MIB1: variants seen among roughly 807,000 people sequenced by gnomAD.
MIB1 encodes MIB E3 ubiquitin protein ligase 1, also known as E3 ubiquitin-protein ligase MIB1.
A neutral mutation model predicts 124.5 loss-of-function variants in MIB1; 278 were observed. The ratio of observed to expected loss-of-function variants is 2.23; its 90% CI spans 2.02 to 2.47. The LOEUF is 2.47. Among genes scored for constraint, MIB1 ranks in the 30% most tolerant of loss-of-function variants. MIB1 has a pLI of 0.00. For missense variants in MIB1, 957 were observed against 1,254.4 expected, an observed-to-expected ratio of 0.76 and a Z score of 3.58; for synonymous variants, 446 against 429.4, an observed-to-expected ratio of 1.04 and a Z score of -0.48.
intron 1 of MIB1, chr18:21,724,123 G>C (rs2040727071): frequency 6.5e-6 from 1 of 152,724 alleles, no homozygotes; most frequent in Non-Finnish European, 1.5e-5. Context: ...ATCTGTGGCT[G>C]ATCTGAGTAC....
At chr18:21,788,169 T>C (rs2146438502) in intron 6 of MIB1, among the ~76,000 whole-genome samples, 1 of 152,344 alleles carries the variant, frequency 6.6e-6, no homozygotes, top group South Asian at 2.1e-4. Context: ...CCAAAACATA[T>C]CTAATCCACT....
At chr18:21,861,609 G>T (rs1026136879) in intron 20 of MIB1, among the ~76,000 whole-genome samples, 9 of 149,744 alleles carry the variant, frequency 6.0e-5, no homozygotes, top group Non-Finnish European at 1.2e-4. Context: ...CATCTTATGA[G>T]GAATGATGGG....
chr18:21,705,622 A>G (rs2040618157), intron 1 of MIB1, among the ~76,000 whole-genome samples: 1 of 152,220 alleles, frequency 6.6e-6, no homozygotes, highest in African/African-American at 2.4e-5. Context: ...GGCAAGACTT[A>G]AACAGACGAA....
At chr18:21,850,323 G>A (rs962600157) in intron 17 of MIB1, among the ~76,000 whole-genome samples, 2 of 151,824 alleles carry the variant, frequency 1.3e-5, no homozygotes, top group Non-Finnish European at 2.9e-5. Context: ...TGTTGGTTTT[G>A]AAGTAAAAAC....
chr18:21,855,694 T>G (rs994957508), intron 18 of MIB1, among the ~76,000 whole-genome samples: 1 of 152,176 alleles, frequency 6.6e-6, no homozygotes, highest in Non-Finnish European at 1.5e-5. Context: ...ATTAGGAGTG[T>G]AGGCCCTACT....
intron 1 of MIB1, among the ~76,000 whole-genome samples, chr18:21,735,248 T>C (rs2040791041): frequency 6.6e-6 from 1 of 152,116 alleles, no homozygotes; most frequent in Admixed American, 6.5e-5. Flanking sequence ...ATTGTCTCAC[T>C]CAGGAAGCAC....
At chr18:21,803,834 C>A in intron 9 of MIB1, 73 bp from the exon 10 acceptor site, 1 of 1,117,140 alleles carries the variant, frequency 9.0e-7, no homozygotes, top group Non-Finnish European at 1.3e-6. Context: ...AGACTTAAAC[C>A]TACACCGTAT....
In MIB1 at chr18:21,848,598, A is replaced by G. The variant is rs148557539; in HGVS notation, c.2394-598A>G. ...CTGAAGATTGTGGTAGAAACAGGGC[A>G]TCCCTTTTCTGTAGCTGTAGGTGGT... On this transcript the variant is annotated intron_variant, in intron 16 of 20. Coordinates refer to ENST00000261537, the MANE Select transcript of MIB1 (RefSeq NM_020774.4). Among the ~76,000 whole-genome samples, 120 of 152,320 alleles carry G rather than the reference A, an allele frequency of 7.9e-4. No individual in the cohort carries two copies. The East Asian group carries it at 8.7e-3, about 11-fold the overall frequency.
chr18:21,780,733 C>G (rs891692769), intron 6 of MIB1, among the ~76,000 whole-genome samples: 11 of 152,124 alleles, frequency 7.2e-5, no homozygotes, highest in African/African-American at 2.7e-4. Flanking sequence ...CAGGAATGAG[C>G]CACCATACCC....
At chr18:21,844,502 C>T (rs1333604468) in intron 15 of MIB1, among the ~76,000 whole-genome samples, 1 of 152,090 alleles carries the variant, frequency 6.6e-6, no homozygotes, top group Non-Finnish European at 1.5e-5. Flanking sequence ...GGCTGGAGTG[C>T]TTGGCTCACT....
intron 1 of MIB1, among the ~76,000 whole-genome samples, chr18:21,715,255 G>A (rs1271232792): frequency 6.6e-6 from 1 of 152,212 alleles, no homozygotes; most frequent in Non-Finnish European, 1.5e-5. Context: ...AGATCCAGAA[G>A]AGAGATAACA....
chr18:21,810,707 AC>A (rs1035843807), intron 10 of MIB1, among the ~76,000 whole-genome samples: 1 of 151,814 alleles, frequency 6.6e-6, no homozygotes, highest in African/African-American at 2.4e-5. Flanking sequence ...TAGGAACCTT[AC>A]CTAACACTAT....
At chr18:21,757,054 T>G (rs796900361) in intron 1 of MIB1, among the ~76,000 whole-genome samples, 5 of 152,248 alleles carry the variant, frequency 3.3e-5, no homozygotes, top group African/African-American at 1.2e-4. Flanking sequence ...CTTTAGCAGC[T>G]CAAGACATTT....
In MIB1 at chr18:21,858,553, G is replaced by C. The variant is rs377616423; in HGVS notation, c.2787G>C (p.Gly929=). The C allele has an allele frequency of 2.1e-5, 32 of 1,496,526 alleles. No homozygotes were observed. The highest frequency in any genetic ancestry group is 2.9e-5 in the Non-Finnish European group (31 of 1,077,642). 92.7% of individuals were successfully genotyped at this position (1,496,526 alleles called of 1,614,324 possible). A position where few individuals can be genotyped will look rare whatever the true frequency, so the allele number is the denominator to read the frequency against. Reference sequence around the variant, plus strand: ...TTTAAATCTATATTATAGCAAGTGGGAATATTCCAGTATTACAAAAGGACA... The same window carrying C: ...TTTAAATCTATATTATAGCAAGTGGCAATATTCCAGTATTACAAAAGGACA... The part of the protein sequence containing the change: ...SEDATDDISS[G]NIPVLQKDKD... Residue 929 remains glycine, a synonymous_variant, in exon 20 of 21, where the codon GGG becomes GGC. Coordinates refer to ENST00000261537, the MANE Select transcript of MIB1 (RefSeq NM_020774.4).
chr18:21,793,380 A>C (rs1002641517), intron 7 of MIB1, among the ~76,000 whole-genome samples: 1 of 152,230 alleles, frequency 6.6e-6, no homozygotes, highest in African/African-American at 2.4e-5. Context: ...AGTAGGGACA[A>C]AGGAAGGAGA....
Position 21,865,200 on chromosome 18 carries a change from A to G in MIB1, c.*534A>G, listed in dbSNP as rs2042311296. The G allele has an allele frequency of 6.6e-6, 1 of 152,248 alleles. No individual in the cohort carries two copies. The highest frequency in any genetic ancestry group is 6.5e-5 in the Admixed American group (1 of 15,290). 9.4% of individuals were successfully genotyped at this position (152,248 alleles called of 1,614,324 possible). On this transcript the variant is annotated 3_prime_UTR_variant, in exon 21 of 21. Transcript: ENST00000261537. ...GGGATGATTCTTTTTTTAAGATAAC[A>G]GGAAGTTACCCACATGTTTGTTTCT...
In MIB1 at chr18:21,805,620, C is replaced by T. The variant is rs2146461817; in HGVS notation, c.1479+1606C>T. ...ATATCTGATTTTTAATTTAGTGAAT[C>T]CAGAAACTCCAATAGCAACAACTAC... On this transcript the variant is annotated intron_variant, in intron 10 of 20. Transcript: ENST00000261537. Among the ~76,000 whole-genome samples the T allele has an allele frequency of 2.0e-5, 3 of 152,138 alleles. No homozygotes were observed. In the South Asian group the frequency reaches 6.2e-4, roughly 32 times the overall value.
At chr18:21,791,596 A>G (rs750789606) in intron 7 of MIB1, 39 bp downstream of exon 7, 8 of 1,480,152 alleles carry the variant, frequency 5.4e-6, no homozygotes, top group Non-Finnish European at 7.4e-6. Flanking sequence ...AGAAATTACA[A>G]TATACTTATG....
chr18:21,860,098 C>CTTTTTTTTTTTTTTTTTTT lies in MIB1; in HGVS notation c.2880+1461_2880+1479dup, dbSNP rs398032096. On this transcript the variant is annotated intron_variant, in intron 20 of 20. Coordinates refer to ENST00000261537, the MANE Select transcript of MIB1 (RefSeq NM_020774.4). Reference sequence around the variant, plus strand: ...GTGTTGGTTATGTTGTTCTTTATGTCTTTTTTTTTTTTTTTTTTTTTTTTT... The same window carrying CTTTTTTTTTTTTTTTTTTT: ...GTGTTGGTTATGTTGTTCTTTATGTCTTTTTTTTTTTTTTTTTTTTTTTTTTTTTTTTTTTTTTTTTTTT... Among the ~76,000 whole-genome samples the CTTTTTTTTTTTTTTTTTTT allele has an allele frequency of 9.8e-4, 26 of 26,462 alleles. 5 individuals are homozygous for CTTTTTTTTTTTTTTTTTTT. The highest frequency in any genetic ancestry group is 0.038 in the Middle Eastern group (1 of 26). 17.4% of individuals were successfully genotyped at this position (26,462 alleles called of 152,430 possible). A position where few individuals can be genotyped will look rare whatever the true frequency, so the allele number is the denominator to read the frequency against.
Sources: gnomAD v4.1 joint callset for allele counts (sites outside exome capture counted in the v4.1 genomes callset) on GRCh38, gnomAD v4.1.1 for gene constraint, MANE v1.5 for transcripts, NCBI Gene and HGNC (gene_info 2026-07-23, HGNC 2026-07-21) for gene names.